The following PAM variants were observed in gnomAD, a reference collection of about 807,000 sequenced individuals.
PAM encodes peptidyl-glycine alpha-amidating monooxygenase.
A neutral mutation model predicts 122.1 loss-of-function variants in PAM; 72 were observed. The observed-to-expected ratio is 0.59, with a 90% CI of 0.49 to 0.72. PAM has a LOEUF of 0.72. PAM is among the 30% of genes least tolerant of loss of function. PAM has a pLI of 0.00. For missense variants in PAM, 1,106 were observed against 1,183.7 expected (o/e 0.93, Z 0.96); for synonymous variants, 389 against 404.4 (o/e 0.96, Z 0.46).
intron 1 of PAM, among the ~76,000 whole-genome samples, chr5:102,857,944 G>A (rs1022262069): frequency 2.0e-5 from 3 of 152,190 alleles, no homozygotes; most frequent in African/African-American, 7.2e-5. Flanking sequence ...TTAAGAGCAT[G>A]GATTCTGGAG....
chr5:103,025,111 G>T lies in PAM; in HGVS notation c.2486-20G>T. 1 of 1,579,294 alleles carries T rather than the reference G, an allele frequency of 6.3e-7. No homozygotes were observed. Among genetic ancestry groups the T allele is most frequent in the Non-Finnish European group, 8.7e-7 (1 of 1,148,944 alleles). On this transcript the variant is annotated intron_variant, in intron 23 of 25. Transcript: ENST00000438793. ...AATCTTTGAGTCAGTTGAATATTGT[G>T]AACTCTTCTTTCCCTGAAGAAGCCG...
intron 22 of PAM, among the ~76,000 whole-genome samples, chr5:103,018,650 AGT>A: frequency 6.6e-6 from 1 of 152,304 alleles, no homozygotes; most frequent in African/African-American, 2.4e-5. Flanking sequence ...GCATGACTAA[AGT>A]GTGGATTTTC....
intron 1 of PAM, among the ~76,000 whole-genome samples, chr5:102,788,717 A>T (rs1561450632): frequency 6.6e-6 from 1 of 152,086 alleles, no homozygotes; most frequent in Non-Finnish European, 1.5e-5. Flanking sequence ...TATGAAGTTA[A>T]ATATTATGCT....
intron 1 of PAM, among the ~76,000 whole-genome samples, chr5:102,768,353 A>G (rs1754731234): frequency 6.6e-6 from 1 of 152,006 alleles, no homozygotes; most frequent in Non-Finnish European, 1.5e-5. Flanking sequence ...TTACGACCTA[A>G]TTGTACATTT....
At chr5:102,819,260 A>G (rs1770914482) in intron 1 of PAM, among the ~76,000 whole-genome samples, 1 of 152,196 alleles carries the variant, frequency 6.6e-6, no homozygotes, top group African/African-American at 2.4e-5. Flanking sequence ...ACATTCATTT[A>G]TGAAAATAAT....
chr5:102,896,770 T>C (rs1051734355), intron 3 of PAM, among the ~76,000 whole-genome samples: 5 of 151,654 alleles, frequency 3.3e-5, no homozygotes, highest in African/African-American at 1.2e-4. Context: ...ATAGACTACA[T>C]ATAATAGTGA....
At chr5:102,831,311 T>C (rs1353575723) in intron 1 of PAM, among the ~76,000 whole-genome samples, 1 of 152,202 alleles carries the variant, frequency 6.6e-6, no homozygotes. Context: ...GTAAAAATTA[T>C]CTTGTTAAAA....
chr5:103,029,666 A>G lies in PAM; in HGVS notation c.*601A>G, dbSNP rs1486266747. On this transcript the variant is annotated 3_prime_UTR_variant, in exon 26 of 26. Transcript: ENST00000438793. ...TAGATGGTTACACTGTTAGAACACTATTTTCAGAATCTGAATGTAATTTGT... is the reference window on the plus strand; with the variant it reads ...TAGATGGTTACACTGTTAGAACACTGTTTTCAGAATCTGAATGTAATTTGT... 4 of 152,560 alleles carry G rather than the reference A, an allele frequency of 2.6e-5. No individual in the cohort carries two copies. Among genetic ancestry groups the G allele is most frequent in the Non-Finnish European group, 4.4e-5 (3 of 68,018 alleles). The allele number at this position is 152,560 out of a possible 1,614,324, so 9.5% of individuals were successfully genotyped here.
At chr5:102,774,735 G>A (rs1427876637) in intron 1 of PAM, among the ~76,000 whole-genome samples, 1 of 151,912 alleles carries the variant, frequency 6.6e-6, no homozygotes, top group Admixed American at 6.6e-5. Flanking sequence ...ATTTATAAAG[G>A]TTATCAACCC....
At chr5:102,833,654 T>C (rs1406708167) in intron 1 of PAM, among the ~76,000 whole-genome samples, 1 of 152,220 alleles carries the variant, frequency 6.6e-6, no homozygotes, top group Non-Finnish European at 1.5e-5. Flanking sequence ...AGATCTTGTT[T>C]GTAAGTTTTT....
intron 3 of PAM, among the ~76,000 whole-genome samples, chr5:102,868,911 A>G (rs1322543041): frequency 6.6e-6 from 1 of 152,198 alleles, no homozygotes; most frequent in African/African-American, 2.4e-5. Flanking sequence ...GTCATGGAGG[A>G]GCTCCATTTT....
intron 7 of PAM, among the ~76,000 whole-genome samples, chr5:102,937,248 AT>A (rs1254666158): frequency 1.1e-4 from 17 of 152,130 alleles, no homozygotes; most frequent in African/African-American, 3.4e-4. Context: ...ATTTAGATAT[AT>A]CTTTTTGAAG....
intron 23 of PAM, among the ~76,000 whole-genome samples, chr5:103,021,845 A>G (rs1429832870): frequency 6.6e-6 from 1 of 152,194 alleles, no homozygotes; most frequent in African/African-American, 2.4e-5. Context: ...TTCAGACTTA[A>G]TAGCCTTGTA....
At chr5:102,953,501 G>A (rs1052362869) in intron 12 of PAM, among the ~76,000 whole-genome samples, 5 of 152,094 alleles carry the variant, frequency 3.3e-5, no homozygotes, top group African/African-American at 1.2e-4. Flanking sequence ...TATATGTGGA[G>A]TCTAAAAAAG....
chr5:103,014,738 T>C (rs546903485), intron 21 of PAM, among the ~76,000 whole-genome samples: 1 of 152,302 alleles, frequency 6.6e-6, no homozygotes, highest in African/African-American at 2.4e-5. Flanking sequence ...GGACTCTGTT[T>C]TTATGTCTGT....
chr5:102,778,842 A>T (rs762023992), intron 1 of PAM, among the ~76,000 whole-genome samples: 6 of 152,172 alleles, frequency 3.9e-5, no homozygotes, highest in Non-Finnish European at 7.4e-5. Context: ...TGTAGATGCT[A>T]TACAGGTCAG....
chr5:102,818,558 A>G (rs1437024975), intron 1 of PAM, among the ~76,000 whole-genome samples: 1 of 152,196 alleles, frequency 6.6e-6, no homozygotes, highest in Non-Finnish European at 1.5e-5. Context: ...ATGAGGAAGC[A>G]TTATGAACTG....
intron 17 of PAM, among the ~76,000 whole-genome samples, chr5:103,003,518 T>A (rs13340345): frequency 0.3 from 45,093 of 151,972 alleles, 6,824 homozygotes; most frequent in East Asian, 0.44. Flanking sequence ...TGATTTAATC[T>A]CTCCACATTG....
chr5:102,975,938 GAT>G (rs941523367), intron 15 of PAM, among the ~76,000 whole-genome samples: 15 of 152,118 alleles, frequency 9.9e-5, no homozygotes, highest in African/African-American at 3.6e-4. Context: ...TTTGACTTAA[GAT>G]ATTGCATTTC....
Sources: allele counts gnomAD v4.1 joint callset (sites outside exome capture counted in the v4.1 genomes callset), GRCh38; gene constraint gnomAD v4.1.1; transcripts MANE v1.5; gene names NCBI Gene and HGNC (gene_info 2026-07-23, HGNC 2026-07-21).